Variants in SGCZ observed in about 807,000 individuals in gnomAD.
SGCZ encodes the protein sarcoglycan zeta, also known as zeta-sarcoglycan.
SGCZ carries 40 observed loss-of-function variants against 41.3 expected under a neutral mutation model. That is an observed-to-expected ratio of 0.97 (90% CI 0.75 to 1.26). The LOEUF is 1.26. Ranked by LOEUF, SGCZ falls within the 50% of genes most tolerant of loss-of-function variation. The pLI is 0.00. For missense variants in SGCZ, 552 were observed against 369.8 expected (o/e 1.49, Z -4.04); for synonymous variants, 206 against 137.5 (o/e 1.50, Z -3.49).
intron 1 of SGCZ, among the ~76,000 whole-genome samples, chr8:14,825,186 A>G (rs769812170): frequency 1.1e-4 from 16 of 152,176 alleles, no homozygotes; most frequent in Non-Finnish European, 1.6e-4. Flanking sequence ...AAAAACAAAA[A>G]TCTTAACATT....
chr8:14,776,523 T>C (rs948574148), intron 1 of SGCZ, among the ~76,000 whole-genome samples: 1 of 146,036 alleles, frequency 6.8e-6, no homozygotes, highest in Non-Finnish European at 1.5e-5. Flanking sequence ...TTTTTCTTTT[T>C]TTTTTTTTTT....
intron 1 of SGCZ, among the ~76,000 whole-genome samples, chr8:15,197,070 T>C (rs975531364): frequency 3.9e-5 from 6 of 152,236 alleles, no homozygotes; most frequent in Admixed American, 2.6e-4. Flanking sequence ...TACCAGAATC[T>C]ATTAGTCAAA....
At chr8:15,111,894 G>A (rs1320690931) in intron 1 of SGCZ, among the ~76,000 whole-genome samples, 15 of 124,088 alleles carry the variant, frequency 1.2e-4, no homozygotes, top group South Asian at 2.7e-4. Context: ...GCGAGACTCC[G>A]TCTCCCAAAA....
At chr8:14,176,015 C>A (rs1804531865) in intron 4 of SGCZ, among the ~76,000 whole-genome samples, 1 of 152,038 alleles carries the variant, frequency 6.6e-6, no homozygotes, top group African/African-American at 2.4e-5. Context: ...TCAAATTTTG[C>A]ATCATTATGA....
intron 3 of SGCZ, among the ~76,000 whole-genome samples, chr8:14,245,714 T>A (rs1563209320): frequency 6.6e-6 from 1 of 151,764 alleles, no homozygotes; most frequent in Non-Finnish European, 1.5e-5. Context: ...AGGGCTAATA[T>A]CCAGAATCAA....
intron 1 of SGCZ, among the ~76,000 whole-genome samples, chr8:15,098,989 C>G (rs1009572066): frequency 1.3e-5 from 2 of 151,708 alleles, no homozygotes; most frequent in African/African-American, 4.8e-5. Context: ...ACCTGGGAGA[C>G]GGAGGTTGTA....
At chr8:14,567,145 G>A (rs1038813601) in intron 1 of SGCZ, among the ~76,000 whole-genome samples, 34 of 152,324 alleles carry the variant, frequency 2.2e-4, no homozygotes, top group Non-Finnish European at 3.8e-4. Flanking sequence ...CTCTGGTGGC[G>A]TCGGAGCCCC....
chr8:14,808,822 A>C (rs1416914691), intron 1 of SGCZ, among the ~76,000 whole-genome samples: 2 of 151,888 alleles, frequency 1.3e-5, no homozygotes, highest in African/African-American at 2.4e-5. Context: ...AAAGACTTGG[A>C]ACCAAACCAA....
intron 6 of SGCZ, among the ~76,000 whole-genome samples, chr8:14,107,201 ACGAGACTCCAT>A (rs1802231691): frequency 1.3e-5 from 2 of 151,674 alleles, no homozygotes; most frequent in African/African-American, 4.8e-5. Context: ...GGGTGACAGA[ACGAGACTCCAT>A]CTCAAAAATA....
At chr8:15,165,689 GT>G (rs1210955570) in intron 1 of SGCZ, among the ~76,000 whole-genome samples, 2 of 152,154 alleles carry the variant, frequency 1.3e-5, no homozygotes, top group Non-Finnish European at 2.9e-5. Context: ...AGTAAAATGT[GT>G]TTTTTAATCA....
At chr8:14,743,983 T>C (rs1017331967) in intron 1 of SGCZ, among the ~76,000 whole-genome samples, 1 of 152,124 alleles carries the variant, frequency 6.6e-6, no homozygotes, top group Admixed American at 6.6e-5. Flanking sequence ...CTAGCAAATA[T>C]TGCCTCTTGA....
At chr8:14,796,303 T>C (rs1407170605) in intron 1 of SGCZ, among the ~76,000 whole-genome samples, 22 of 152,156 alleles carry the variant, frequency 1.4e-4, no homozygotes, top group Admixed American at 1.4e-3. Flanking sequence ...TTTATTTTAT[T>C]GAGAGACAGA....
chr8:14,833,082 C>T (rs185339239), intron 1 of SGCZ, among the ~76,000 whole-genome samples: 11 of 152,102 alleles, frequency 7.2e-5, no homozygotes, highest in Non-Finnish European at 1.3e-4. Flanking sequence ...GAACCTAAAA[C>T]ATGAATTATT....
intron 2 of SGCZ, among the ~76,000 whole-genome samples, chr8:14,498,185 A>G (rs1802047253): frequency 6.6e-6 from 1 of 152,144 alleles, no homozygotes; most frequent in Non-Finnish European, 1.5e-5. Flanking sequence ...AACATTTTCT[A>G]TTACTCTGTC....
chr8:15,223,571 C>T (rs1000326092), intron 1 of SGCZ, among the ~76,000 whole-genome samples: 29 of 152,124 alleles, frequency 1.9e-4, no homozygotes, highest in African/African-American at 6.3e-4. Flanking sequence ...AGAGATGGTG[C>T]TATTTCCACC....
At chr8:14,100,170 T>TTTTG (rs1801969537) in intron 7 of SGCZ, among the ~76,000 whole-genome samples, 1 of 151,946 alleles carries the variant, frequency 6.6e-6, no homozygotes, top group South Asian at 2.1e-4. Context: ...TGTACTTTTA[T>TTTTG]TTTGTTACTA....
At chr8:14,751,345 TA>T (rs1013407491) in intron 1 of SGCZ, among the ~76,000 whole-genome samples, 1 of 152,084 alleles carries the variant, frequency 6.6e-6, no homozygotes, top group African/African-American at 2.4e-5. Flanking sequence ...TAGGATCCAT[TA>T]GGGGAAAACA....
chr8:14,090,430 G>T lies in SGCZ; in HGVS notation c.*13C>A. The T allele has an allele frequency of 6.2e-7, 1 of 1,608,388 alleles. No individual in the cohort carries two copies. The highest frequency in any genetic ancestry group is 8.5e-7 in the Non-Finnish European group (1 of 1,177,214). On this transcript the variant is annotated 3_prime_UTR_variant, in exon 8 of 8. Transcript: ENST00000382080. ...ACAAAAGGCTATTCTGGTGTGAGGAGAAATCAGTCACTTCAGCTCCACAGG... is the reference window on the plus strand; with the variant it reads ...ACAAAAGGCTATTCTGGTGTGAGGATAAATCAGTCACTTCAGCTCCACAGG...
intron 2 of SGCZ, among the ~76,000 whole-genome samples, chr8:14,492,363 T>C (rs184003980): frequency 9.7e-4 from 148 of 152,260 alleles, no homozygotes; most frequent in Middle Eastern, 3.4e-3. Context: ...CATGAGAAAA[T>C]ATTGTTGATA....
Sources: gnomAD v4.1 joint callset for allele counts (sites outside exome capture counted in the v4.1 genomes callset) on GRCh38, gnomAD v4.1.1 for gene constraint, MANE v1.5 for transcripts, NCBI Gene and HGNC (gene_info 2026-07-23, HGNC 2026-07-21) for gene names.